KCNJ3: variants seen among roughly 807,000 people sequenced by gnomAD.
KCNJ3 encodes G protein-activated inward rectifier potassium channel 1.
In KCNJ3, 4 loss-of-function variants were observed where a neutral mutation model predicts 39.2. That is an observed-to-expected ratio of 0.10 (90% CI 0.05 to 0.23). The LOEUF is 0.23. Ranked by LOEUF, KCNJ3 falls within the 10% of genes least tolerant of loss-of-function variation. The probability of loss-of-function intolerance (pLI) is 1.00; values close to 1 mark genes in which losing one functional copy is unlikely to be tolerated. For synonymous variants in KCNJ3, 230 were observed against 237.4 expected (o/e 0.97, Z 0.29); for missense variants, 276 against 634.9 (o/e 0.43, Z 6.08).
intron 2 of KCNJ3, among the ~76,000 whole-genome samples, chr2:154,774,240 T>C (rs1368651373): frequency 6.6e-6 from 1 of 152,130 alleles, no homozygotes; most frequent in Admixed American, 6.5e-5. Flanking sequence ...TTAAAGGAGA[T>C]TTTATAGAAT....
At chr2:154,726,162 C>T (rs916901601) in intron 2 of KCNJ3, among the ~76,000 whole-genome samples, 6 of 151,960 alleles carry the variant, frequency 3.9e-5, no homozygotes, top group African/African-American at 2.4e-5. Flanking sequence ...AAATAATCAG[C>T]GGAGTAAACA....
chr2:154,772,283 GT>G (rs1323753241), intron 2 of KCNJ3, among the ~76,000 whole-genome samples: 1 of 152,160 alleles, frequency 6.6e-6, no homozygotes, highest in East Asian at 1.9e-4. Context: ...ATTGTCCTGA[GT>G]GGATCGGTCT....
At position 154,855,487 on chromosome 2, in the gene KCNJ3, G is replaced by C; in HGVS notation, c.*174G>C. ...CGAATGTGCAGAAAGCAACAGTTAC[G>C]GAGGGAGGACATCATAAGGAAGTTA... is the stretch of plus-strand genomic sequence containing the variant. On this transcript the variant is annotated 3_prime_UTR_variant, in exon 3 of 3. Transcript: ENST00000295101. 1 of 563,854 alleles carries C rather than the reference G, an allele frequency of 1.8e-6. No individual in the cohort carries two copies. Among genetic ancestry groups the C allele is most frequent in the Non-Finnish European group, 3.1e-6 (1 of 319,548 alleles). 34.9% of individuals were successfully genotyped at this position (563,854 alleles called of 1,614,324 possible). A position where few individuals can be genotyped will look rare whatever the true frequency, so the allele number is the denominator to read the frequency against.
chr2:154,802,619 A>G (rs544810198), intron 2 of KCNJ3, among the ~76,000 whole-genome samples: 14 of 152,288 alleles, frequency 9.2e-5, no homozygotes, highest in African/African-American at 2.4e-4. Context: ...ACACTTTCCT[A>G]TAATAAAATA....
At chr2:154,752,453 G>A (rs1685862901) in intron 2 of KCNJ3, among the ~76,000 whole-genome samples, 1 of 151,908 alleles carries the variant, frequency 6.6e-6, no homozygotes, top group Non-Finnish European at 1.5e-5. Context: ...TTAAAAACTT[G>A]ATGAAATTGA....
chr2:154,804,797 A>G (rs1409899550), intron 2 of KCNJ3, among the ~76,000 whole-genome samples: 1 of 152,184 alleles, frequency 6.6e-6, no homozygotes, highest in African/African-American at 2.4e-5. Context: ...TGAGTTCCCA[A>G]CTGGAGGAAG....
At chr2:154,830,480 C>A (rs1341981041) in intron 2 of KCNJ3, among the ~76,000 whole-genome samples, 1 of 151,936 alleles carries the variant, frequency 6.6e-6, no homozygotes, top group Non-Finnish European at 1.5e-5. Flanking sequence ...AGAAAAGAGC[C>A]TCGGAAAAAA....
At chr2:154,763,745 G>C (rs1157845970) in intron 2 of KCNJ3, among the ~76,000 whole-genome samples, 1 of 152,126 alleles carries the variant, frequency 6.6e-6, no homozygotes, top group Non-Finnish European at 1.5e-5. Flanking sequence ...CTAGCTTCCA[G>C]CTTCTAGCTT....
intron 2 of KCNJ3, among the ~76,000 whole-genome samples, chr2:154,759,363 CT>C (rs34268624): frequency 4.3e-4 from 64 of 148,098 alleles, no homozygotes; most frequent in Middle Eastern, 3.6e-3. Flanking sequence ...ATTTTTACAA[CT>C]TTTTTTTTTT....
intron 2 of KCNJ3, among the ~76,000 whole-genome samples, chr2:154,846,023 A>G (rs910548878): frequency 6.6e-6 from 1 of 152,180 alleles, no homozygotes; most frequent in Non-Finnish European, 1.5e-5. Flanking sequence ...TTCTAATTAA[A>G]GTAATAATAG....
chr2:154,708,815 C>G (rs543555216), intron 1 of KCNJ3, among the ~76,000 whole-genome samples: 7 of 152,240 alleles, frequency 4.6e-5, no homozygotes, highest in African/African-American at 1.7e-4. Context: ...AAACTGAATG[C>G]CACTACCTTA....
chr2:154,762,263 T>C (rs564497353), intron 2 of KCNJ3, among the ~76,000 whole-genome samples: 1 of 152,318 alleles, frequency 6.6e-6, no homozygotes, highest in Non-Finnish European at 1.5e-5. Flanking sequence ...TTTACAAGGC[T>C]CTGATGGGAT....
At chr2:154,712,689 G>T (rs1183876324) in intron 2 of KCNJ3, among the ~76,000 whole-genome samples, 1 of 152,144 alleles carries the variant, frequency 6.6e-6, no homozygotes, top group Non-Finnish European at 1.5e-5. Flanking sequence ...AGATAACATT[G>T]TGTTGCGGGG....
Position 154,855,310 on chromosome 2 carries a change from A to G in KCNJ3, c.1503A>G (p.Thr501=). 2.5e-6 allele frequency: 4 copies of G among 1,587,674 alleles called. No individual in the cohort carries two copies. Among genetic ancestry groups the G allele is most frequent in the Non-Finnish European group, 3.4e-6 (4 of 1,165,298 alleles). Residue 501 remains threonine (T), a synonymous_variant, in exon 3 of 3, where the codon ACA becomes ACG. Transcript: ENST00000295101. Reference sequence around the variant, plus strand: ...GAAAAATGAACTCTGATCGCTTCACATAACAAAGCACTCCCTTAGGCATTA... The same window carrying G: ...GAAAAATGAACTCTGATCGCTTCACGTAACAAAGCACTCCCTTAGGCATTA... ...KLRKMNSDRF[T]
chr2:154,810,915 T>C (rs1393666860), intron 2 of KCNJ3, among the ~76,000 whole-genome samples: 2 of 152,204 alleles, frequency 1.3e-5, no homozygotes, highest in Non-Finnish European at 2.9e-5. Context: ...AGATATTTTA[T>C]TTGCCAGTGC....
intron 2 of KCNJ3, among the ~76,000 whole-genome samples, chr2:154,776,460 T>A (rs1686337694): frequency 6.6e-6 from 1 of 152,142 alleles, no homozygotes; most frequent in South Asian, 2.1e-4. Context: ...ACATAATATA[T>A]TGGCACATAT....
chr2:154,770,217 A>G (rs554316442), intron 2 of KCNJ3, among the ~76,000 whole-genome samples: 15 of 152,300 alleles, frequency 9.8e-5, no homozygotes, highest in South Asian at 4.1e-4. Flanking sequence ...TCCTTAGCAC[A>G]TAGCTTCCAT....
chr2:154,714,379 T>A (rs1685148886), intron 2 of KCNJ3, among the ~76,000 whole-genome samples: 2 of 152,178 alleles, frequency 1.3e-5, no homozygotes, highest in South Asian at 2.1e-4. Context: ...TTTTCAATTG[T>A]TCCATATATC....
chr2:154,704,576 A>G lies in KCNJ3; in HGVS notation c.703-5027A>G, dbSNP rs115477585. ...CTTATTTTGGACTTGACATTGGGTCATAGTTTTTCCATCTGAGTATTCATG... is the reference window on the plus strand; with the variant it reads ...CTTATTTTGGACTTGACATTGGGTCGTAGTTTTTCCATCTGAGTATTCATG... On this transcript the variant is annotated intron_variant, in intron 1 of 2. Coordinates refer to ENST00000295101, the MANE Select transcript of KCNJ3 (RefSeq NM_002239.4). Among the ~76,000 whole-genome samples the G allele has an allele frequency of 8.2e-3, 1,242 of 152,272 alleles. 12 individuals are homozygous for G. Among genetic ancestry groups the G allele is most frequent in the African/African-American group, 0.028 (1,163 of 41,550 alleles).
Sources: gnomAD v4.1 joint callset for allele counts (sites outside exome capture counted in the v4.1 genomes callset) on GRCh38, gnomAD v4.1.1 for gene constraint, MANE v1.5 for transcripts, NCBI Gene and HGNC (gene_info 2026-07-23, HGNC 2026-07-21) for gene names.